Variants in AKAP12 observed in about 807,000 individuals in gnomAD.
The protein encoded by AKAP12 is A-kinase anchor protein 12.
AKAP12 carries 32 observed loss-of-function variants against 79.9 expected under a neutral mutation model. The observed-to-expected ratio is 0.40, with a 90% CI of 0.30 to 0.54. AKAP12 has a LOEUF of 0.54. Ranked by LOEUF, AKAP12 falls within the 20% of genes least tolerant of loss-of-function variation. The pLI is 0.48. For synonymous variants in AKAP12, 808 were observed against 857.0 expected (o/e 0.94, Z 1.00); for missense variants, 2,074 against 2,177.0 (o/e 0.95, Z 0.94).
At chr6:151,315,885 G>C (rs1777222239) in intron 3 of AKAP12, among the ~76,000 whole-genome samples, 1 of 152,110 alleles carries the variant, frequency 6.6e-6, no homozygotes, top group Non-Finnish European at 1.5e-5. Flanking sequence ...GCGAGCAAAA[G>C]GGGGAAGAAC....
intron 2 of AKAP12, among the ~76,000 whole-genome samples, chr6:151,289,463 A>G (rs534495103): frequency 1.4e-4 from 21 of 152,264 alleles, no homozygotes; most frequent in Non-Finnish European, 2.8e-4. Context: ...GCAAACACCA[A>G]CCAGCCAAAC....
intron 2 of AKAP12, among the ~76,000 whole-genome samples, chr6:151,277,978 CTGTTTA>C (rs1776318904): frequency 8.3e-6 from 1 of 120,940 alleles, no homozygotes; most frequent in South Asian, 2.3e-4. Flanking sequence ...GTGTGTCTGT[CTGTTTA>C]TTTTTTTCTA....
chr6:151,300,013 G>A (rs772272825), intron 2 of AKAP12, among the ~76,000 whole-genome samples: 4 of 152,054 alleles, frequency 2.6e-5, no homozygotes, highest in Admixed American at 6.5e-5. Flanking sequence ...ATGGGTTTGC[G>A]TATTTAAAAT....
Position 151,266,934 on chromosome 6 carries a change from G to A in AKAP12, c.162+26210G>A, listed in dbSNP as rs1349701151. Among the ~76,000 whole-genome samples, 8 of 147,026 alleles carry A rather than the reference G, an allele frequency of 5.4e-5. No individual in the cohort carries two copies. In the East Asian group the frequency reaches 1.0e-3, roughly 19 times the overall value. On this transcript the variant is annotated intron_variant, in intron 2 of 4. Transcript: ENST00000402676. ...CAGGAGGCTGAGGCAGGAGAATGGC[G>A]TGAACCCGGGAGGTGGAGCCTGCCG...
Position 151,274,177 on chromosome 6 carries a change from T to A in AKAP12, c.163-31570T>A, listed in dbSNP as rs1582848670. Among the ~76,000 whole-genome samples the A allele has an allele frequency of 2.0e-5, 3 of 151,908 alleles. No homozygotes were observed. The East Asian group carries it at 5.9e-4, about 30-fold the overall frequency. On this transcript the variant is annotated intron_variant, in intron 2 of 4. Coordinates refer to ENST00000402676, the MANE Select transcript of AKAP12 (RefSeq NM_005100.4). Reference sequence around the variant, plus strand: ...ACCTCTGCCTCTTGGGCTTAGGCAATCCTGTCACCTCAGCCTCCCAAGTAG... The same window carrying A: ...ACCTCTGCCTCTTGGGCTTAGGCAAACCTGTCACCTCAGCCTCCCAAGTAG...
At chr6:151,306,860 T>C (rs185852973) in intron 3 of AKAP12, among the ~76,000 whole-genome samples, 1 of 152,276 alleles carries the variant, frequency 6.6e-6, no homozygotes, top group African/African-American at 2.4e-5. Flanking sequence ...CATGACCTAG[T>C]GTGAGAGTTT....
At chr6:151,308,253 C>T (rs959084916) in intron 3 of AKAP12, among the ~76,000 whole-genome samples, 4 of 151,940 alleles carry the variant, frequency 2.6e-5, no homozygotes, top group Non-Finnish European at 4.4e-5. Flanking sequence ...TGCTGTATCA[C>T]CCAGGCTAGA....
chr6:151,332,036 T>G (rs73619276), intron 3 of AKAP12, among the ~76,000 whole-genome samples: 175 of 44,116 alleles, frequency 4.0e-3, no homozygotes, highest in Middle Eastern at 0.016. Context: ...TGGGTCTGTT[T>G]TTTTTTTTTT....
In AKAP12 at chr6:151,295,009, G is replaced by A. The variant is rs944004259; in HGVS notation, c.163-10738G>A. Among the ~76,000 whole-genome samples the A allele has an allele frequency of 3.3e-5, 5 of 152,136 alleles. No homozygotes were observed. In the East Asian group the frequency reaches 5.8e-4, roughly 18 times the overall value. On this transcript the variant is annotated intron_variant, in intron 2 of 4. Transcript: ENST00000402676. ...AGTAAATCTGCTTAACTCTGTCTGC[G>A]TCAGAGTTTCCCAAGCTAACCTGGA...
chr6:151,267,415 A>G (rs1443046520), intron 2 of AKAP12, among the ~76,000 whole-genome samples: 1 of 152,230 alleles, frequency 6.6e-6, no homozygotes, highest in African/African-American at 2.4e-5. Flanking sequence ...TTGCTGCATT[A>G]AAGTCAGACA....
At chr6:151,240,779 G>A in intron 2 of AKAP12, 55 bp downstream of exon 2, 2 of 1,132,630 alleles carry the variant, frequency 1.8e-6, no homozygotes, top group Non-Finnish European at 2.2e-6. Flanking sequence ...GGGGGTGGGG[G>A]TGGGGGTGGG....
At position 151,351,411 on chromosome 6, in the gene AKAP12, C is replaced by T. The variant is rs1417414267; in HGVS notation, c.3020C>T (p.Ser1007Phe). ...ACCACAGAAATGGTGTCAGCAGTCT[C>T]CCAGTTAACCGACTCCCCAGACACC... ...EETTEMVSAV[S>F]QLTDSPDTTE... The change falls in exon 4 of 5, where the codon TCC becomes TTC. Residue 1007 changes from serine (S) to phenylalanine (F), a missense_variant. Coordinates refer to ENST00000402676, the MANE Select transcript of AKAP12 (RefSeq NM_005100.4). The surrounding 1 kb of genome is among the most constrained non-coding windows in gnomAD (Gnocchi z 4.4). 7.4e-6 allele frequency: 12 copies of T among 1,614,088 alleles called. No individual in the cohort carries two copies. The highest frequency in any genetic ancestry group is 1.1e-5 in the South Asian group (1 of 91,090).
At chr6:151,322,831 G>C (rs112406305) in intron 3 of AKAP12, among the ~76,000 whole-genome samples, 2 of 151,296 alleles carry the variant, frequency 1.3e-5, no homozygotes, top group African/African-American at 4.9e-5. Context: ...GGTGTTTTGC[G>C]TAATAAATAT....
At chr6:151,353,838 A>G in intron 4 of AKAP12, 86 bp downstream of exon 4, 2 of 863,660 alleles carry the variant, frequency 2.3e-6, no homozygotes, top group Non-Finnish European at 3.5e-6. Context: ...GGAGCAAATA[A>G]TTAATGCCTT....
Position 151,244,372 on chromosome 6 carries a change from A to G in AKAP12, c.162+3648A>G, listed in dbSNP as rs186184285. ...ACCCCATCTCTACTAAAAATACAAAAAATTAGCCAGGCGTGGTGGCGGGCG... is the reference window on the plus strand; with the variant it reads ...ACCCCATCTCTACTAAAAATACAAAGAATTAGCCAGGCGTGGTGGCGGGCG... On this transcript the variant is annotated intron_variant, in intron 2 of 4. Transcript: ENST00000402676. Among the ~76,000 whole-genome samples the G allele has an allele frequency of 5.9e-4, 90 of 152,150 alleles. 1 individual carries two copies. The East Asian group carries it at 0.015, about 26-fold the overall frequency.
intron 2 of AKAP12, among the ~76,000 whole-genome samples, chr6:151,266,557 T>C (rs1776030742): frequency 6.6e-6 from 1 of 152,194 alleles, no homozygotes; most frequent in African/African-American, 2.4e-5. Flanking sequence ...GATCGAATTA[T>C]AAAGCAATTT....
At chr6:151,339,567 A>G (rs370677939) in intron 3 of AKAP12, among the ~76,000 whole-genome samples, 1 of 152,140 alleles carries the variant, frequency 6.6e-6, no homozygotes, top group African/African-American at 2.4e-5. Flanking sequence ...GTTACAATCA[A>G]TGAACCTGCA....
chr6:151,274,469 A>G (rs1452234217), intron 2 of AKAP12, among the ~76,000 whole-genome samples: 1 of 152,052 alleles, frequency 6.6e-6, no homozygotes, highest in African/African-American at 2.4e-5. Context: ...AAAATTATAG[A>G]TCATGATTTC....
Position 151,240,385 on chromosome 6 carries a change from A to G in AKAP12, c.-178A>G, listed in dbSNP as rs1375465275. 46 of 462,632 alleles carry G rather than the reference A, an allele frequency of 9.9e-5. No individual in the cohort carries two copies. Among genetic ancestry groups the G allele is most frequent in the South Asian group, 5.9e-4 (9 of 15,264 alleles). 28.7% of individuals were successfully genotyped at this position (462,632 alleles called of 1,614,324 possible). ...TTTTTTTTTTCCTTTTCTTTTAAGGAGTTTGCCGCGAGCGCGTCTCCTTCA... is the reference window on the plus strand; with the variant it reads ...TTTTTTTTTTCCTTTTCTTTTAAGGGGTTTGCCGCGAGCGCGTCTCCTTCA... On this transcript the variant is annotated splice_region_variant and 5_prime_UTR_variant, in exon 2 of 5. Coordinates refer to ENST00000402676, the MANE Select transcript of AKAP12 (RefSeq NM_005100.4).
Sources: allele counts gnomAD v4.1 joint callset (sites outside exome capture counted in the v4.1 genomes callset), GRCh38; gene constraint gnomAD v4.1.1; non-coding constraint Gnocchi (gnomAD v3.1); transcripts MANE v1.5; gene names NCBI Gene and HGNC (gene_info 2026-07-23, HGNC 2026-07-21).